Variants in ERCC6L2 observed in about 807,000 individuals in gnomAD.
ERCC6L2 encodes the protein DNA excision repair protein ERCC-6-like 2.
A neutral mutation model predicts 132.0 loss-of-function variants in ERCC6L2; 77 were observed. The observed-to-expected ratio is 0.58, with a 90% CI of 0.49 to 0.71. The LOEUF is 0.71. Ranked by LOEUF, ERCC6L2 falls within the 30% of genes least tolerant of loss-of-function variation. The pLI, the probability that ERCC6L2 is intolerant of heterozygous loss-of-function variation, is 0.00. For missense variants in ERCC6L2, 1,542 were observed against 1,837.6 expected, an observed-to-expected ratio of 0.84 and a Z score of 2.94; for synonymous variants, 583 against 632.4, an observed-to-expected ratio of 0.92 and a Z score of 1.17.
At chr9:95,962,503 A>G (rs1459780906) in intron 13 of ERCC6L2, among the ~76,000 whole-genome samples, 4 of 152,196 alleles carry the variant, frequency 2.6e-5, no homozygotes, top group African/African-American at 9.6e-5. Flanking sequence ...TACCTATATT[A>G]CTTTGTGACA....
rs758054529 is a variant in ERCC6L2, at chr9:95,928,062, C to G, written c.1534-17C>G. 1.1e-5 allele frequency: 17 copies of G among 1,595,852 alleles called. No individual in the cohort carries two copies. The South Asian group carries it at 1.9e-4, about 18-fold the overall frequency. On this transcript the variant is annotated splice_polypyrimidine_tract_variant and intron_variant, in intron 9 of 18. Coordinates refer to ENST00000653738, the MANE Select transcript of ERCC6L2 (RefSeq NM_020207.7). ...TAGTTGGAACTGGTTCACTGATTTT[C>G]TGTGGTTCATTTTCAGGTCCTTCAG...
intron 2 of ERCC6L2, among the ~76,000 whole-genome samples, chr9:95,891,154 G>A (rs554704708): frequency 1.3e-5 from 2 of 152,196 alleles, no homozygotes; most frequent in African/African-American, 4.8e-5. Flanking sequence ...CGGAGGTTGC[G>A]GTGAGTCAAG....
At chr9:96,011,796 A>G (rs868162935) in intron 18 of ERCC6L2, among the ~76,000 whole-genome samples, 20 of 152,186 alleles carry the variant, frequency 1.3e-4, no homozygotes, top group African/African-American at 4.3e-4. Context: ...TGTCTTTCTT[A>G]ATTTTTCAGA....
chr9:95,956,973 A>G (rs1166428290), intron 13 of ERCC6L2, among the ~76,000 whole-genome samples: 1 of 152,180 alleles, frequency 6.6e-6, no homozygotes, highest in Non-Finnish European at 1.5e-5. Context: ...TTAGAGGTGC[A>G]TGATGTACAT....
rs10986795 is a variant in ERCC6L2 at position 95,876,007 on chromosome 9, T to G, written c.-32T>G. 1 of 1,573,458 alleles carries G rather than the reference T, an allele frequency of 6.4e-7. No homozygotes were observed. Among genetic ancestry groups the G allele is most frequent in the East Asian group, 2.4e-5 (1 of 42,118 alleles). On this transcript the variant is annotated 5_prime_UTR_variant, in exon 1 of 19. The change abolishes an upstream ATG in the 5' untranslated region. Transcript: ENST00000653738. ...CCTCCGCCGCCTTCCGGGTGTTACATGCAGCCGGGCTCGGCCCCTCCCCCT... is the reference window on the plus strand; with the variant it reads ...CCTCCGCCGCCTTCCGGGTGTTACAGGCAGCCGGGCTCGGCCCCTCCCCCT...
intron 20 of ERCC6L2, among the ~76,000 whole-genome samples, chr9:96,040,661 T>C (rs1159131286): frequency 1.3e-5 from 2 of 152,210 alleles, no homozygotes; most frequent in Admixed American, 1.3e-4. Flanking sequence ...CTGCCATGAC[T>C]CTTATGTCCG....
chr9:96,001,851 T>C lies in ERCC6L2; in HGVS notation c.3493-2669T>C, dbSNP rs983098136. Among the ~76,000 whole-genome samples, 24 of 152,354 alleles carry C rather than the reference T, an allele frequency of 1.6e-4. No homozygotes were observed. The South Asian group carries it at 2.3e-3, about 14-fold the overall frequency. ...CTCAGGCATGGCGGGCTGCAGGTCC[T>C]GAGCCCTGCCCCGTGGGAAGGCAGC... On this transcript the variant is annotated intron_variant, in intron 17 of 18. Coordinates refer to ENST00000653738, the MANE Select transcript of ERCC6L2 (RefSeq NM_020207.7).
downstream of ERCC6L2, chr9:96,020,213 G>A (rs1691923990): frequency 6.3e-6 from 1 of 158,180 alleles, no homozygotes; most frequent in Admixed American, 5.8e-5. Flanking sequence ...ACTGTCACGA[G>A]AGCAGCGTTC....
downstream of ERCC6L2, chr9:96,020,693 C>CG (rs1834271014): frequency 2.3e-6 from 1 of 436,008 alleles, no homozygotes; most frequent in African/African-American, 2.0e-5. Flanking sequence ...ACAAGCAAGG[C>CG]TTCCGCAGCT....
At chr9:95,915,439 A>G (rs1408147513) in intron 4 of ERCC6L2, among the ~76,000 whole-genome samples, 2 of 152,036 alleles carry the variant, frequency 1.3e-5, no homozygotes, top group African/African-American at 2.4e-5. Flanking sequence ...TTTTCTTTTT[A>G]CCATCATTAA....
intron 18 of ERCC6L2, among the ~76,000 whole-genome samples, chr9:96,010,392 T>G (rs1833988449): frequency 6.6e-6 from 1 of 152,214 alleles, no homozygotes; most frequent in East Asian, 1.9e-4. Context: ...GAAAGAAAAG[T>G]GGCATTGAAG....
rs767745101 is a variant in ERCC6L2 at position 96,015,015 on chromosome 9, G to GTTTTTTTTTTTTTTT, written c.*1823_*1837dup. ...GCTCTATAGTCTTCATATATGTACA[G>GTTTTTTTTTTTTTTT]TTTTTTTTTTTTTTTTTTTTTTTTT... On this transcript the variant is annotated 3_prime_UTR_variant, in exon 19 of 19. Coordinates refer to ENST00000653738, the MANE Select transcript of ERCC6L2 (RefSeq NM_020207.7). 4.3e-4 allele frequency among the ~76,000 whole-genome samples: 28 copies of GTTTTTTTTTTTTTTT among 65,430 alleles called. 4 individuals carry two copies. Among genetic ancestry groups the GTTTTTTTTTTTTTTT allele is most frequent in the East Asian group, 1.1e-3 (2 of 1,796 alleles). 42.9% of individuals were successfully genotyped at this position (65,430 alleles called of 152,430 possible).
intron 1 of ERCC6L2, among the ~76,000 whole-genome samples, chr9:95,878,507 CTTTTT>C (rs139122656): frequency 6.8e-6 from 1 of 148,026 alleles, no homozygotes; most frequent in Non-Finnish European, 1.5e-5. Flanking sequence ...TAAATGCCAG[CTTTTT>C]TTTTTATTAT....
chr9:95,925,544 C>T (rs76365420), intron 9 of ERCC6L2, among the ~76,000 whole-genome samples: 1 of 152,158 alleles, frequency 6.6e-6, no homozygotes, highest in Non-Finnish European at 1.5e-5. Context: ...AAGACTCCAA[C>T]ATCTGTTGAT....
rs367916087 is a variant in ERCC6L2 at position 95,946,426 on chromosome 9, G to A, written c.1847+4877G>A. 3.9e-4 allele frequency among the ~76,000 whole-genome samples: 60 copies of A among 152,288 alleles called. 1 individual carries two copies. In the South Asian group the frequency reaches 0.012, roughly 32 times the overall value. ...GCTTGTAGTCCCAGCTACTTGGGAG[G>A]CTGAGGCAGGAGAATGGCGTGAACC... is the stretch of plus-strand genomic sequence containing the variant. On this transcript the variant is annotated intron_variant, in intron 12 of 18. Transcript: ENST00000653738.
chr9:95,910,804 A>G lies in ERCC6L2; in HGVS notation c.788+3533A>G, dbSNP rs116609034. 3.6e-3 allele frequency among the ~76,000 whole-genome samples: 545 copies of G among 152,316 alleles called. 3 individuals are homozygous for G. Among genetic ancestry groups the G allele is most frequent in the African/African-American group, 0.012 (518 of 41,552 alleles). On this transcript the variant is annotated intron_variant, in intron 4 of 18. Coordinates refer to ENST00000653738, the MANE Select transcript of ERCC6L2 (RefSeq NM_020207.7). ...TTACTATTTCATGGATCCTGACAGAAGACTAATCTGAGGCATAGAGAGGTT... is the reference window on the plus strand; with the variant it reads ...TTACTATTTCATGGATCCTGACAGAGGACTAATCTGAGGCATAGAGAGGTT...
At chr9:95,917,415 A>G (rs1398348581) in intron 6 of ERCC6L2, among the ~76,000 whole-genome samples, 2 of 152,190 alleles carry the variant, frequency 1.3e-5, no homozygotes, top group African/African-American at 2.4e-5. Context: ...AATAAGGGCA[A>G]TCCTATGAAA....
intron 14 of ERCC6L2, chr9:95,967,399 G>C (rs1832205883): frequency 6.6e-6 from 1 of 152,104 alleles, no homozygotes; most frequent in Non-Finnish European, 1.5e-5. Flanking sequence ...AGAACTTCAG[G>C]ATATTTCTCT....
In ERCC6L2 at chr9:96,013,681, G is replaced by A. The variant is rs1175341550; in HGVS notation, c.*478G>A. On this transcript the variant is annotated 3_prime_UTR_variant, in exon 19 of 19. Coordinates refer to ENST00000653738, the MANE Select transcript of ERCC6L2 (RefSeq NM_020207.7). The stretch of plus-strand genomic sequence containing the variant: ...CAATGTGTTTTTTACTAGCACTTGG[G>A]AAAGTTATTAAGTATTTTCTTTTTC... 6.6e-6 allele frequency: 1 copy of A among 152,324 alleles called. No homozygotes were observed. Among genetic ancestry groups the A allele is most frequent in the Non-Finnish European group, 1.5e-5 (1 of 68,206 alleles). The allele number at this position is 152,324 out of a possible 1,614,324, so 9.4% of individuals were successfully genotyped here.
Sources: allele counts gnomAD v4.1 joint callset (sites outside exome capture counted in the v4.1 genomes callset), GRCh38; gene constraint gnomAD v4.1.1; transcripts MANE v1.5; gene names NCBI Gene and HGNC (gene_info 2026-07-23, HGNC 2026-07-21).